Variants in CIMAP2 observed in about 807,000 individuals in gnomAD.
CIMAP2 encodes the protein ciliary microtubule associated protein 2.
the CIMAP2 span, chr1:54,816,907 G>T: frequency 6.5e-7 from 1 of 1,534,930 alleles, no homozygotes; most frequent in Admixed American, 1.8e-5. Flanking sequence ...GAGTAGGGAA[G>T]CGTCCAAGGG....
At chr1:54,811,765 G>GCCGGGGGGGGGGGCCGCCCCCCCCCC in the CIMAP2 span, 1 of 1,301,330 alleles carries the variant, frequency 7.7e-7, no homozygotes, top group Non-Finnish European at 1.1e-6. Flanking sequence ...GGTTCTGACA[G>GCCGGGGGGGGGGGCCGCCCCCCCCCC]CCTCCATGCC....
the CIMAP2 span, chr1:54,815,148 C>T: frequency 1.4e-6 from 2 of 1,464,094 alleles, no homozygotes; most frequent in South Asian, 1.3e-5. Context: ...AGCCATATGC[C>T]TCCCCTTTCT....
chr1:54,819,824 C>CTTTCTTTTTCTT, the CIMAP2 span, among the ~76,000 whole-genome samples: 4 of 100,210 alleles, frequency 4.0e-5, no homozygotes, highest in Non-Finnish European at 8.3e-5. Flanking sequence ...TTCTTTCTTT[C>CTTTCTTTTTCTT]TCTTTCTTTC....
chr1:54,828,585 G>C, the CIMAP2 span, among the ~76,000 whole-genome samples: 2 of 152,136 alleles, frequency 1.3e-5, no homozygotes, highest in Admixed American at 6.5e-5. Context: ...TCCTGCCTTG[G>C]CCTCCCAGAG....
At chr1:54,807,168 C>T in the CIMAP2 span, 25 of 1,383,814 alleles carry the variant, frequency 1.8e-5, no homozygotes, top group Non-Finnish European at 2.1e-5. Flanking sequence ...ATGAGCTGAG[C>T]TGTAGAAGGG....
the CIMAP2 span, among the ~76,000 whole-genome samples, chr1:54,835,814 C>T: frequency 1.3e-5 from 2 of 151,802 alleles, no homozygotes; most frequent in Admixed American, 6.5e-5. Flanking sequence ...GAAGGCAGGT[C>T]GGGCCCAGGA....
At chr1:54,814,952 G>C in the CIMAP2 span, 2 of 1,614,166 alleles carry the variant, frequency 1.2e-6, no homozygotes, top group Middle Eastern at 1.6e-4. Context: ...CACAAGAGAA[G>C]AAATGCAAAC....
chr1:54,826,795 T>G, the CIMAP2 span, among the ~76,000 whole-genome samples: 1 of 152,250 alleles, frequency 6.6e-6, no homozygotes, highest in Non-Finnish European at 1.5e-5. Flanking sequence ...CTTCGCTTCC[T>G]TCTCCTTCCA....
the CIMAP2 span, chr1:54,815,167 A>G: frequency 7.4e-7 from 1 of 1,355,844 alleles, no homozygotes; most frequent in Non-Finnish European, 1.0e-6. Flanking sequence ...CTTTTCCCCA[A>G]GGGACCTGAG....
At chr1:54,811,343 C>T in the CIMAP2 span, among the ~76,000 whole-genome samples, 1 of 152,112 alleles carries the variant, frequency 6.6e-6, no homozygotes, top group Admixed American at 6.5e-5. Context: ...AGGAGGAAGG[C>T]TTCATTCCCA....
chr1:54,827,903 A>G, the CIMAP2 span, among the ~76,000 whole-genome samples: 1 of 152,228 alleles, frequency 6.6e-6, no homozygotes, highest in African/African-American at 2.4e-5. Flanking sequence ...AAAAGCCTCT[A>G]GTAAGATAGA....
chr1:54,814,486 G>A, the CIMAP2 span, among the ~76,000 whole-genome samples: 1 of 152,220 alleles, frequency 6.6e-6, no homozygotes, highest in Non-Finnish European at 1.5e-5. Context: ...CAGCCTTCCT[G>A]AGGTAGGGAT....
the CIMAP2 span, among the ~76,000 whole-genome samples, chr1:54,833,018 A>G: frequency 8.2e-6 from 1 of 121,814 alleles, no homozygotes; most frequent in Admixed American, 8.7e-5. Context: ...CCTTGTCTCA[A>G]AAAAAAAAAT....
At chr1:54,812,285 T>C in the CIMAP2 span, 1 of 1,524,370 alleles carries the variant, frequency 6.6e-7, no homozygotes, top group Non-Finnish European at 8.9e-7. Flanking sequence ...TGTGCCAGGC[T>C]CTGCACCGGG....
chr1:54,807,533 T>C, the CIMAP2 span: 1 of 1,565,380 alleles, frequency 6.4e-7, no homozygotes, highest in South Asian at 1.2e-5. Context: ...CAGTCCCACA[T>C]AGGCCCTGGG....
the CIMAP2 span, among the ~76,000 whole-genome samples, chr1:54,826,914 C>T: frequency 2.6e-5 from 4 of 152,266 alleles, no homozygotes; most frequent in South Asian, 2.1e-4. Context: ...GCAAGTGCTT[C>T]GCACCTCTAG....
chr1:54,814,988 G>C, the CIMAP2 span: 1 of 1,614,158 alleles, frequency 6.2e-7, no homozygotes, highest in Non-Finnish European at 8.5e-7. Flanking sequence ...CATTCCTGTT[G>C]ACCTCCAAGG....
chr1:54,806,994 A>G, the CIMAP2 span: 2 of 1,612,834 alleles, frequency 1.2e-6, no homozygotes, highest in Non-Finnish European at 8.5e-7. Flanking sequence ...GTCCCTCCCT[A>G]GGTTTGACAT....
the CIMAP2 span, chr1:54,814,828 A>G: frequency 3.2e-6 from 5 of 1,572,822 alleles, no homozygotes; most frequent in Non-Finnish European, 4.3e-6. Flanking sequence ...GGGTGGAGTC[A>G]GCTGGCCAGA....
Sources: allele counts gnomAD v4.1 joint callset (sites outside exome capture counted in the v4.1 genomes callset), GRCh38; gene constraint gnomAD v4.1.1; transcripts MANE v1.5; gene names NCBI Gene and HGNC (gene_info 2026-07-23, HGNC 2026-07-21).